The following RORA variants were observed in gnomAD, a reference collection of about 807,000 sequenced individuals.
The protein encoded by RORA is nuclear receptor ROR-alpha.
In RORA, 7 loss-of-function variants were observed where a neutral mutation model predicts 69.5. The ratio of observed to expected loss-of-function variants is 0.10; its 90% confidence interval spans 0.06 to 0.19. RORA has a LOEUF of 0.19. RORA is among the 10% of genes least tolerant of loss of function. The pLI is 1.00. For synonymous variants in RORA, 261 were observed against 240.8 expected, an observed-to-expected ratio of 1.08 and a Z score of -0.78; for missense variants, 457 against 663.0, an observed-to-expected ratio of 0.69 and a Z score of 3.41.
rs182166301 is a variant in RORA at position 60,962,807 on chromosome 15, C to T, written c.166+266246G>A. On this transcript the variant is annotated intron_variant, in intron 1 of 10. Coordinates refer to ENST00000335670, the MANE Select transcript of RORA (RefSeq NM_134261.3). ...GGCTGACAATCAAACTGGGAAAACA[C>T]AAGCCTTGCTCAGAAGAATTGGTAG... 3.8e-3 allele frequency among the ~76,000 whole-genome samples: 575 copies of T among 152,268 alleles called. 4 individuals are homozygous for T. The highest frequency in any genetic ancestry group is 0.013 in the African/African-American group (552 of 41,552).
chr15:61,058,593 A>T (rs958604559), intron 1 of RORA, among the ~76,000 whole-genome samples: 1 of 152,178 alleles, frequency 6.6e-6, no homozygotes, highest in Non-Finnish European at 1.5e-5. Flanking sequence ...TCAAAGGGTG[A>T]GTTGGGGAGG....
At chr15:61,207,612 A>G (rs1013603879) in intron 1 of RORA, among the ~76,000 whole-genome samples, 1 of 152,230 alleles carries the variant, frequency 6.6e-6, no homozygotes, top group Non-Finnish European at 1.5e-5. Flanking sequence ...CTACCTTTTC[A>G]TCACAATTAC....
At chr15:60,595,190 C>A (rs2068639591) in intron 2 of RORA, among the ~76,000 whole-genome samples, 1 of 152,064 alleles carries the variant, frequency 6.6e-6, no homozygotes, top group Non-Finnish European at 1.5e-5. Flanking sequence ...CATTTTAGCA[C>A]AAACTTTTAC....
chr15:61,158,283 C>T (rs931093494), intron 1 of RORA, among the ~76,000 whole-genome samples: 4 of 152,152 alleles, frequency 2.6e-5, no homozygotes, highest in Non-Finnish European at 5.9e-5. Context: ...TTGGCTTAAA[C>T]GAAGACCTGA....
chr15:60,776,006 CTG>C, intron 1 of RORA, among the ~76,000 whole-genome samples: 1 of 152,326 alleles, frequency 6.6e-6, no homozygotes, highest in South Asian at 2.1e-4. Context: ...TCAGCAATAA[CTG>C]TGTGTGAACT....
chr15:60,551,261 G>C (rs1406913788), intron 2 of RORA, among the ~76,000 whole-genome samples: 1 of 151,932 alleles, frequency 6.6e-6, no homozygotes, highest in African/African-American at 2.4e-5. Context: ...AAAAGGAAAT[G>C]TATACTGCAA....
chr15:60,955,644 A>AG (rs1348021620), intron 1 of RORA, among the ~76,000 whole-genome samples: 1 of 152,214 alleles, frequency 6.6e-6, no homozygotes, highest in East Asian at 1.9e-4. Context: ...TTGTGAGTCG[A>AG]TTTTTACAAA....
intron 1 of RORA, among the ~76,000 whole-genome samples, chr15:61,037,407 C>T (rs977540774): frequency 1.1e-4 from 16 of 152,278 alleles, no homozygotes; most frequent in African/African-American, 2.9e-4. Context: ...CATTTCAGTA[C>T]GGTCAGCACC....
intron 1 of RORA, among the ~76,000 whole-genome samples, chr15:60,974,171 C>T (rs1264998483): frequency 6.6e-6 from 1 of 152,172 alleles, no homozygotes; most frequent in Non-Finnish European, 1.5e-5. Context: ...CCGTGGAACC[C>T]ACGTCAAGGA....
chr15:60,888,729 T>C (rs2073779074), intron 1 of RORA, among the ~76,000 whole-genome samples: 1 of 152,138 alleles, frequency 6.6e-6, no homozygotes, highest in African/African-American at 2.4e-5. Flanking sequence ...CTTTAAGACA[T>C]CAGGCGGGTG....
At chr15:60,704,355 G>C (rs2071029329) in intron 1 of RORA, among the ~76,000 whole-genome samples, 1 of 152,240 alleles carries the variant, frequency 6.6e-6, no homozygotes, top group Admixed American at 6.5e-5. Context: ...CATCCTAAGA[G>C]CAAACACAAC....
intron 6 of RORA, among the ~76,000 whole-genome samples, chr15:60,504,902 G>C (rs910379801): frequency 6.6e-6 from 1 of 152,174 alleles, no homozygotes; most frequent in Admixed American, 6.5e-5. Flanking sequence ...TCAAGGTCTG[G>C]TCTTGATGTT....
intron 1 of RORA, among the ~76,000 whole-genome samples, chr15:61,164,153 A>T (rs2140886479): frequency 6.6e-6 from 1 of 152,326 alleles, no homozygotes. Flanking sequence ...CAAAAAAAAA[A>T]AAACATGTGG....
chr15:60,852,154 G>A (rs1004400591), intron 1 of RORA, among the ~76,000 whole-genome samples: 2 of 152,214 alleles, frequency 1.3e-5, no homozygotes, highest in African/African-American at 2.4e-5. Context: ...TCAGCCAGAA[G>A]AGCATCATGT....
At chr15:61,197,218 A>G (rs757805120) in intron 1 of RORA, among the ~76,000 whole-genome samples, 37 of 152,350 alleles carry the variant, frequency 2.4e-4, no homozygotes, top group Non-Finnish European at 4.9e-4. Context: ...CCCTCTCCCT[A>G]CATGGCAATA....
chr15:60,928,004 G>A (rs191446537), intron 1 of RORA, among the ~76,000 whole-genome samples: 1 of 152,208 alleles, frequency 6.6e-6, no homozygotes, highest in African/African-American at 2.4e-5. Flanking sequence ...TGGGGCCCGT[G>A]CTTTCTCTTG....
intron 1 of RORA, among the ~76,000 whole-genome samples, chr15:60,930,477 C>T (rs555835022): frequency 6.6e-6 from 1 of 152,272 alleles, no homozygotes; most frequent in African/African-American, 2.4e-5. Context: ...GACAAATATA[C>T]AAGTGACCCA....
intron 1 of RORA, among the ~76,000 whole-genome samples, chr15:61,018,362 C>T (rs1473787094): frequency 2.0e-5 from 3 of 151,934 alleles, no homozygotes; most frequent in Non-Finnish European, 4.4e-5. Flanking sequence ...TTTTCTTTCC[C>T]CATTCACATT....
At chr15:61,146,438 TC>T (rs999455869) in intron 1 of RORA, among the ~76,000 whole-genome samples, 1 of 138,078 alleles carries the variant, frequency 7.2e-6, no homozygotes, top group African/African-American at 2.7e-5. Flanking sequence ...TATACCTTCC[TC>T]CCCCCAACAC....
Sources: gnomAD v4.1 joint callset for allele counts (sites outside exome capture counted in the v4.1 genomes callset) on GRCh38, gnomAD v4.1.1 for gene constraint, MANE v1.5 for transcripts, NCBI Gene and HGNC (gene_info 2026-07-23, HGNC 2026-07-21) for gene names.